Variants in SMARCAD1 observed in about 807,000 individuals in gnomAD.
SMARCAD1 encodes SNF2 related chromatin remodeling ATPase with DExD box 1, also known as SWI/SNF-related matrix-associated actin-dependent regulator of chromatin subfamily A containing DEAD/H box 1.
Under a neutral mutation model 127.1 loss-of-function variants are expected in SMARCAD1, and 25 were observed. That is an observed-to-expected ratio of 0.20 (90% confidence interval 0.14 to 0.27). The LOEUF (loss-of-function observed/expected upper bound fraction) is 0.27, where lower values mean the gene tolerates loss of function less well. Among genes scored for constraint, SMARCAD1 ranks in the 10% least tolerant of loss-of-function variants. SMARCAD1 has a pLI of 1.00. For synonymous variants in SMARCAD1, 400 were observed against 396.9 expected, an observed-to-expected ratio of 1.01 and a Z score of -0.09; for missense variants, 807 against 1,206.0, an observed-to-expected ratio of 0.67 and a Z score of 4.90.
At chr4:94,246,792 G>A (rs1425892993) in intron 6 of SMARCAD1, among the ~76,000 whole-genome samples, 1 of 152,164 alleles carries the variant, frequency 6.6e-6, no homozygotes, top group Non-Finnish European at 1.5e-5. Flanking sequence ...TGTATTATTT[G>A]AGAGAGCCAG....
chr4:94,236,771 C>G (rs1429010670), intron 4 of SMARCAD1, among the ~76,000 whole-genome samples, 181 bp from the exon 5 acceptor site: 2 of 152,068 alleles, frequency 1.3e-5, no homozygotes, highest in Admixed American at 6.6e-5. Context: ...GCTTAAAATT[C>G]AGACCTTTTA....
At chr4:94,239,221 C>G (rs1008644122) in intron 5 of SMARCAD1, among the ~76,000 whole-genome samples, 3 of 152,078 alleles carry the variant, frequency 2.0e-5, no homozygotes, top group Non-Finnish European at 4.4e-5. Flanking sequence ...TAAGGTTAAT[C>G]TTCAGTATAC....
intron 21 of SMARCAD1, among the ~76,000 whole-genome samples, chr4:94,281,959 A>G (rs1314257899): frequency 6.6e-6 from 1 of 151,692 alleles, no homozygotes; most frequent in Non-Finnish European, 1.5e-5. Flanking sequence ...GGATTGTTTG[A>G]GCCCCGGGGG....
chr4:94,208,718 A>T (rs1183377516), intron 2 of SMARCAD1, 134 bp downstream of exon 2: 9 of 877,810 alleles, frequency 1.0e-5, no homozygotes, highest in Non-Finnish European at 1.6e-5. Flanking sequence ...TTTTAAATAC[A>T]GCTTTGGGAC....
intron 7 of SMARCAD1, among the ~76,000 whole-genome samples, chr4:94,250,501 C>G (rs777590255): frequency 7.9e-5 from 12 of 152,042 alleles, no homozygotes; most frequent in Non-Finnish European, 1.6e-4. Context: ...CTCTAGTGTT[C>G]ACAGTACTTC....
chr4:94,267,760 G>A (rs1404049996), intron 10 of SMARCAD1, among the ~76,000 whole-genome samples: 2 of 152,072 alleles, frequency 1.3e-5, no homozygotes, highest in East Asian at 3.8e-4. Flanking sequence ...TTAATACTCT[G>A]TTGAGAAGAA....
At chr4:94,273,985 T>C (rs1290726304) in intron 12 of SMARCAD1, among the ~76,000 whole-genome samples, 1 of 152,232 alleles carries the variant, frequency 6.6e-6, no homozygotes, top group Non-Finnish European at 1.5e-5. Flanking sequence ...ATACTTTTAG[T>C]TACTTTTAAA....
chr4:94,214,428 A>AT (rs35699441), intron 2 of SMARCAD1, among the ~76,000 whole-genome samples: 48,658 of 147,482 alleles, frequency 0.33, 8,579 homozygotes, highest in East Asian at 0.71. Context: ...CGCCGGGCTA[A>AT]TTTTTTTTTT....
rs1749152214 is a variant in SMARCAD1 at position 94,250,691 on chromosome 4, A to G, written c.808-61A>G. On this transcript the variant is annotated intron_variant, in intron 7 of 23. Transcript: ENST00000354268. ...TTAACTTATTTTTAAAAGAGCATAG[A>G]CGTTTTCTGCAAGTTGCTAATTTGA... 6 of 1,125,018 alleles carry G rather than the reference A, an allele frequency of 5.3e-6. No individual in the cohort carries two copies. The South Asian group carries it at 8.8e-5, about 16-fold the overall frequency. The allele number at this position is 1,125,018 out of a possible 1,614,324, so 69.7% of individuals were successfully genotyped here.
chr4:94,270,163 C>T (rs1017581932), intron 10 of SMARCAD1, among the ~76,000 whole-genome samples: 1 of 151,442 alleles, frequency 6.6e-6, no homozygotes, highest in Non-Finnish European at 1.5e-5. Context: ...AGTGTCAAAA[C>T]AAATAATTTT....
At chr4:94,272,529 G>C (rs1451611086) in intron 11 of SMARCAD1, among the ~76,000 whole-genome samples, 1 of 152,104 alleles carries the variant, frequency 6.6e-6, no homozygotes, top group Non-Finnish European at 1.5e-5. Context: ...TCCAGTTACT[G>C]CTACCACTAT....
chr4:94,286,831 A>G (rs1469674851), intron 23 of SMARCAD1, among the ~76,000 whole-genome samples: 1 of 152,226 alleles, frequency 6.6e-6, no homozygotes, highest in Non-Finnish European at 1.5e-5. Context: ...CTCTCAAGCC[A>G]ATAGCTTTGA....
At chr4:94,230,795 A>C (rs1374525223) in intron 3 of SMARCAD1, among the ~76,000 whole-genome samples, 4 of 152,174 alleles carry the variant, frequency 2.6e-5, no homozygotes, top group African/African-American at 7.2e-5. Flanking sequence ...TGAAGGCAGA[A>C]TCCTAGGTAG....
chr4:94,235,819 C>T (rs1039296982), intron 4 of SMARCAD1, among the ~76,000 whole-genome samples: 1 of 151,912 alleles, frequency 6.6e-6, no homozygotes, highest in Non-Finnish European at 1.5e-5. Flanking sequence ...TAATGTAGTT[C>T]AGAGTTTTTT....
chr4:94,239,228 A>G (rs1032773842), intron 5 of SMARCAD1, among the ~76,000 whole-genome samples: 2 of 152,220 alleles, frequency 1.3e-5, no homozygotes, highest in African/African-American at 4.8e-5. Context: ...AATCTTCAGT[A>G]TACTATGTTA....
intron 9 of SMARCAD1, among the ~76,000 whole-genome samples, chr4:94,257,306 G>A (rs952820264): frequency 2.2e-4 from 33 of 152,138 alleles, no homozygotes; most frequent in Non-Finnish European, 8.8e-5. Flanking sequence ...TTCTACCAAA[G>A]ATACCCACCA....
At chr4:94,266,907 T>G (rs938431997) in intron 10 of SMARCAD1, among the ~76,000 whole-genome samples, 1 of 152,148 alleles carries the variant, frequency 6.6e-6, no homozygotes, top group African/African-American at 2.4e-5. Context: ...CATATGTACT[T>G]CAAAACCATT....
At chr4:94,289,449 T>C in intron 23 of SMARCAD1, 24 bp from the exon 24 acceptor site, 1 of 1,599,520 alleles carries the variant, frequency 6.3e-7, no homozygotes, top group Non-Finnish European at 8.6e-7. Context: ...TATAAAGCTT[T>C]TAATGCTACT....
chr4:94,236,162 T>G (rs1022211856), intron 4 of SMARCAD1, among the ~76,000 whole-genome samples: 2 of 152,158 alleles, frequency 1.3e-5, no homozygotes, highest in Non-Finnish European at 2.9e-5. Flanking sequence ...CATCCAAGAT[T>G]AGGAAAAATT....
Sources: gnomAD v4.1 joint callset for allele counts (sites outside exome capture counted in the v4.1 genomes callset) on GRCh38, gnomAD v4.1.1 for gene constraint, MANE v1.5 for transcripts, NCBI Gene and HGNC (gene_info 2026-07-23, HGNC 2026-07-21) for gene names.